Variants in COL22A1 observed in about 807,000 individuals in gnomAD.
The protein encoded by COL22A1 is collagen alpha-1(XXII) chain.
A neutral mutation model predicts 248.9 loss-of-function variants in COL22A1; 221 were observed. That is an observed-to-expected ratio of 0.89 (90% confidence interval 0.80 to 0.99). The LOEUF (loss-of-function observed/expected upper bound fraction) is 0.99, where lower values mean the gene tolerates loss of function less well. COL22A1 is among the 50% of genes least tolerant of loss of function. COL22A1 has a pLI of 0.00. For missense variants in COL22A1, 2,240 were observed against 2,179.0 expected (o/e 1.03, Z -0.56); for synonymous variants, 891 against 793.4 (o/e 1.12, Z -2.07).
chr8:138,706,203 C>A (rs1586518263), intron 30 of COL22A1, among the ~76,000 whole-genome samples: 2 of 152,198 alleles, frequency 1.3e-5, no homozygotes, highest in South Asian at 4.2e-4. Flanking sequence ...CTTTAACACC[C>A]CACTGTCAAC....
intron 15 of COL22A1, among the ~76,000 whole-genome samples, chr8:138,776,355 C>G (rs1180705507): frequency 6.6e-6 from 1 of 152,146 alleles, no homozygotes; most frequent in Non-Finnish European, 1.5e-5. Flanking sequence ...TCAGTTCCCC[C>G]CAAGACACTA....
intron 45 of COL22A1, 152 bp from the exon 46 acceptor site, chr8:138,649,930 T>C: frequency 1.8e-6 from 1 of 554,772 alleles, no homozygotes; most frequent in Admixed American, 3.5e-5. Flanking sequence ...GTGGACTGAG[T>C]CATGATCTAA....
intron 1 of COL22A1, among the ~76,000 whole-genome samples, chr8:138,899,086 TTATTCTA>T (rs1243562693): frequency 1.3e-5 from 2 of 152,194 alleles, no homozygotes. Flanking sequence ...ATGTTACTCC[TTATTCTA>T]ACACCACTCC....
chr8:138,784,541 G>A (rs529679272), intron 12 of COL22A1, among the ~76,000 whole-genome samples: 1 of 152,134 alleles, frequency 6.6e-6, no homozygotes, highest in African/African-American at 2.4e-5. Context: ...ATTGAAAGAG[G>A]TAACCAGTAC....
intron 3 of COL22A1, among the ~76,000 whole-genome samples, chr8:138,865,363 G>T (rs1180967676): frequency 6.6e-6 from 1 of 151,884 alleles, no homozygotes; most frequent in Non-Finnish European, 1.5e-5. Context: ...TCTATGTGTG[G>T]GTATGTTTGT....
Position 138,602,151 on chromosome 8 carries a change from A to T in COL22A1, c.4149T>A (p.Pro1383=). The stretch of plus-strand genomic sequence containing the variant: ...TGAATCCAGGCTCTCCAGGCTTCCC[A>T]GGGACCCCCTGCAAGGAGAAAGAAA... ...EKGVPGKEGV[P]GKPGEPGFKG... is the part of the protein sequence containing the mutation. Residue 1383 remains proline, a synonymous_variant, in exon 60 of 65, where the codon CCT becomes CCA. Coordinates refer to ENST00000303045, the MANE Select transcript of COL22A1 (RefSeq NM_152888.3). The T allele has an allele frequency of 6.2e-7, 1 of 1,614,078 alleles. No individual in the cohort carries two copies. Among genetic ancestry groups the T allele is most frequent in the Non-Finnish European group, 8.5e-7 (1 of 1,180,026 alleles).
At chr8:138,632,384 A>G (rs926588157) in intron 49 of COL22A1, among the ~76,000 whole-genome samples, 2 of 152,214 alleles carry the variant, frequency 1.3e-5, no homozygotes, top group African/African-American at 4.8e-5. Flanking sequence ...ATGACACATA[A>G]GGAGTTAGCA....
intron 23 of COL22A1, among the ~76,000 whole-genome samples, chr8:138,729,332 T>C (rs1830545117): frequency 1.3e-5 from 2 of 152,190 alleles, no homozygotes; most frequent in South Asian, 2.1e-4. Flanking sequence ...TAAAAGACTC[T>C]GCATGTTAAG....
At chr8:138,863,338 G>A (rs1822629001) in intron 3 of COL22A1, among the ~76,000 whole-genome samples, 1 of 152,138 alleles carries the variant, frequency 6.6e-6, no homozygotes, top group Non-Finnish European at 1.5e-5. Context: ...CTGTTGCTCG[G>A]TCAGAGTTCC....
At chr8:138,853,245 C>T (rs190010456) in intron 3 of COL22A1, among the ~76,000 whole-genome samples, 5 of 152,264 alleles carry the variant, frequency 3.3e-5, no homozygotes, top group Admixed American at 1.3e-4. Flanking sequence ...AATGATGGGG[C>T]GAGGGCCCCA....
At chr8:138,814,225 A>G (rs1349568023) in intron 7 of COL22A1, among the ~76,000 whole-genome samples, 1 of 152,206 alleles carries the variant, frequency 6.6e-6, no homozygotes, top group African/African-American at 2.4e-5. Flanking sequence ...AGCACGTGGT[A>G]CCTCTTCTAG....
In COL22A1 at chr8:138,696,718, T is replaced by C. The variant is rs560902993; in HGVS notation, c.2593-1839A>G. 1.1e-4 allele frequency among the ~76,000 whole-genome samples: 16 copies of C among 152,278 alleles called. No homozygotes were observed. The South Asian group carries it at 2.1e-3, about 20-fold the overall frequency. On this transcript the variant is annotated intron_variant, in intron 32 of 64. Transcript: ENST00000303045. ...CAGCTGTGACCTGGATTCAGTGAGA[T>C]TGCGTTTGCAAAGTGTTTCACAGTG... is the stretch of plus-strand genomic sequence containing the variant.
intron 3 of COL22A1, among the ~76,000 whole-genome samples, chr8:138,850,907 CATTT>C (rs1488157675): frequency 6.6e-6 from 1 of 152,170 alleles, no homozygotes; most frequent in African/African-American, 2.4e-5. Context: ...AGTAAGTGCT[CATTT>C]ATTTATCCCT....
intron 11 of COL22A1, 34 bp downstream of exon 11, chr8:138,802,838 G>A (rs756757188): frequency 6.3e-7 from 1 of 1,581,578 alleles, no homozygotes; most frequent in African/African-American, 1.3e-5. Flanking sequence ...CCGCCCTGAG[G>A]TTCAGCCATG....
chr8:138,598,449 G>A (rs1490974369), intron 61 of COL22A1, among the ~76,000 whole-genome samples: 1 of 152,234 alleles, frequency 6.6e-6, no homozygotes, highest in African/African-American at 2.4e-5. Context: ...GAGGAAGAGG[G>A]TTGAACAGAA....
chr8:138,715,398 G>C (rs1056983044), intron 30 of COL22A1, among the ~76,000 whole-genome samples: 4 of 151,620 alleles, frequency 2.6e-5, no homozygotes, highest in Non-Finnish European at 5.9e-5. Flanking sequence ...GAGAAATCTC[G>C]TCTCTACTAA....
chr8:138,692,167 G>GGT (rs200190266), intron 35 of COL22A1, among the ~76,000 whole-genome samples: 4 of 18,482 alleles, frequency 2.2e-4, no homozygotes, highest in Admixed American at 5.2e-4. Context: ...TATGTGTGGA[G>GGT]GTGTGTGTGT....
chr8:138,883,706 C>T (rs1442166084), intron 1 of COL22A1, among the ~76,000 whole-genome samples: 4 of 151,948 alleles, frequency 2.6e-5, no homozygotes, highest in African/African-American at 9.7e-5. Flanking sequence ...GTAGTTCTTC[C>T]TGCTCTCTCA....
intron 25 of COL22A1, among the ~76,000 whole-genome samples, chr8:138,724,234 A>G (rs1273035242): frequency 6.6e-6 from 1 of 152,158 alleles, no homozygotes; most frequent in African/African-American, 2.4e-5. Flanking sequence ...TCGTAATGGG[A>G]AGGGCTGCCA....
Sources: allele counts gnomAD v4.1 joint callset (sites outside exome capture counted in the v4.1 genomes callset), GRCh38; gene constraint gnomAD v4.1.1; transcripts MANE v1.5; gene names NCBI Gene and HGNC (gene_info 2026-07-23, HGNC 2026-07-21).